The following ACTR2 variants were observed in gnomAD, a reference collection of about 807,000 sequenced individuals.
The protein encoded by ACTR2 is actin-related protein 2.
Under a neutral mutation model 50.2 loss-of-function variants are expected in ACTR2, and 5 were observed. The ratio of observed to expected loss-of-function variants is 0.10; its 90% CI spans 0.05 to 0.21. The LOEUF (loss-of-function observed/expected upper bound fraction) is 0.21. ACTR2 is among the 10% of genes least tolerant of loss of function. The probability of loss-of-function intolerance (pLI) is 1.00; values close to 1 mark genes in which losing one functional copy is unlikely to be tolerated. For synonymous variants in ACTR2, 140 were observed against 162.9 expected, an observed-to-expected ratio of 0.86 and a Z score of 1.07; for missense variants, 180 against 480.6, an observed-to-expected ratio of 0.37 and a Z score of 5.85.
intron 1 of ACTR2, among the ~76,000 whole-genome samples, chr2:65,239,183 G>A (rs1671795527): frequency 6.6e-6 from 1 of 152,216 alleles, no homozygotes; most frequent in Non-Finnish European, 1.5e-5. Flanking sequence ...TGCCGGGCAT[G>A]GTGGCTCACG....
intron 1 of ACTR2, among the ~76,000 whole-genome samples, chr2:65,238,831 GGT>G (rs1327929144): frequency 6.6e-6 from 1 of 151,986 alleles, no homozygotes; most frequent in Non-Finnish European, 1.5e-5. Flanking sequence ...AGCTGGGCAT[GGT>G]GGTGGGTGCC....
intron 7 of ACTR2, among the ~76,000 whole-genome samples, chr2:65,262,716 G>C (rs1672291696): frequency 6.6e-6 from 1 of 152,090 alleles, no homozygotes; most frequent in African/African-American, 2.4e-5. Flanking sequence ...GCAGCACTTT[G>C]GAGGCTGAGG....
intron 8 of ACTR2, 75 bp downstream of exon 8, chr2:65,265,250 A>C: frequency 6.5e-7 from 1 of 1,546,166 alleles, no homozygotes; most frequent in Non-Finnish European, 8.9e-7. Flanking sequence ...CTTGACAACC[A>C]CCAGAGGGAG....
intron 7 of ACTR2, among the ~76,000 whole-genome samples, chr2:65,262,159 T>C (rs560185487): frequency 6.6e-6 from 1 of 152,350 alleles, no homozygotes; most frequent in South Asian, 2.1e-4. Flanking sequence ...GATTTGCAAA[T>C]ATATTCTCAC....
intron 8 of ACTR2, 79 bp from the exon 9 acceptor site, chr2:65,268,485 T>G: frequency 7.7e-7 from 1 of 1,297,624 alleles, no homozygotes; most frequent in South Asian, 1.5e-5. Context: ...AGGGAGAGCA[T>G]ATATTTAAAA....
At chr2:65,265,197 A>G (rs1254724742) in intron 8 of ACTR2, 22 bp downstream of exon 8, 6 of 1,612,696 alleles carry the variant, frequency 3.7e-6, no homozygotes, top group African/African-American at 1.3e-5. Flanking sequence ...TAAATCAACT[A>G]TTACTAACAT....
rs1671943363 is a variant in ACTR2, at chr2:65,246,576, A to T, written c.212A>T (p.Asn71Ile). The change falls in exon 3 of 9, where the codon AAC (asparagine) becomes ATC (isoleucine). Residue 71 changes from asparagine (N) to isoleucine (I), a missense_variant. Transcript: ENST00000260641. ...ASELRSMLEV[N>I]YPMENGIVRN... ...GAATTACGATCAATGTTAGAAGTTA[A>T]CTACCCTATGGAAAATGGCATAGTA... 2 of 1,613,362 alleles carry T rather than the reference A, an allele frequency of 1.2e-6. No individual in the cohort carries two copies. The highest frequency in any genetic ancestry group is 1.7e-6 in the Non-Finnish European group (2 of 1,179,686).
At chr2:65,257,889 G>A (rs2104013021) in intron 6 of ACTR2, among the ~76,000 whole-genome samples, 1 of 152,292 alleles carries the variant, frequency 6.6e-6, no homozygotes, top group East Asian at 1.9e-4. Context: ...CCATTCTGTA[G>A]GTTGCCTGTT....
At chr2:65,255,798 G>T in intron 6 of ACTR2, 104 bp downstream of exon 6, 1 of 1,087,636 alleles carries the variant, frequency 9.2e-7, no homozygotes, top group Non-Finnish European at 1.3e-6. Flanking sequence ...TTTTGTCTTG[G>T]GTTGTTGTAA....
At chr2:65,236,048 ACT>A (rs1573148583) in intron 1 of ACTR2, among the ~76,000 whole-genome samples, 1 of 151,540 alleles carries the variant, frequency 6.6e-6, no homozygotes, top group South Asian at 2.1e-4. Flanking sequence ...ATTTGAAAAA[ACT>A]CTGTTTTTAA....
intron 3 of ACTR2, among the ~76,000 whole-genome samples, chr2:65,247,556 C>A (rs1002442997): frequency 3.9e-5 from 6 of 152,002 alleles, no homozygotes; most frequent in African/African-American, 1.5e-4. Flanking sequence ...CCACTGCACT[C>A]CAGCCTGGGC....
At chr2:65,229,783 C>T (rs879926760) in intron 1 of ACTR2, among the ~76,000 whole-genome samples, 1 of 140,796 alleles carries the variant, frequency 7.1e-6, no homozygotes, top group South Asian at 2.3e-4. Flanking sequence ...AAAAACAAAA[C>T]ATATTAATGT....
chr2:65,253,227 G>A (rs1672086188), intron 4 of ACTR2, among the ~76,000 whole-genome samples: 1 of 152,124 alleles, frequency 6.6e-6, no homozygotes, highest in South Asian at 2.1e-4. Flanking sequence ...ATCACTTGAG[G>A]CCAGGAGTTC....
intron 1 of ACTR2, among the ~76,000 whole-genome samples, chr2:65,233,671 A>G (rs897235924): frequency 7.3e-5 from 11 of 150,898 alleles, no homozygotes; most frequent in Non-Finnish European, 1.0e-4. Flanking sequence ...GAGTGTATTC[A>G]TGTTATCTCG....
chr2:65,245,893 C>A (rs12467321), intron 2 of ACTR2, among the ~76,000 whole-genome samples: 79,303 of 151,924 alleles, frequency 0.52, 21,209 homozygotes, highest in East Asian at 0.79. Flanking sequence ...TTGCCTATAT[C>A]TTAATTTTTT....
intron 8 of ACTR2, among the ~76,000 whole-genome samples, chr2:65,267,383 C>G (rs114975772): frequency 6.7e-4 from 102 of 152,282 alleles, no homozygotes; most frequent in Non-Finnish European, 1.3e-3. Flanking sequence ...ACAATTAAAA[C>G]AGTCTCAGAA....
intron 3 of ACTR2, among the ~76,000 whole-genome samples, chr2:65,249,443 T>C (rs1672004163): frequency 6.6e-6 from 1 of 152,234 alleles, no homozygotes; most frequent in African/African-American, 2.4e-5. Flanking sequence ...TTAATCTCAT[T>C]AACATGCTTT....
chr2:65,265,487 C>T (rs1263860568), intron 8 of ACTR2, among the ~76,000 whole-genome samples: 3 of 152,186 alleles, frequency 2.0e-5, no homozygotes, highest in Non-Finnish European at 4.4e-5. Flanking sequence ...AATAAATGCC[C>T]CACTTGAGTT....
chr2:65,261,604 GT>G (rs1186299440), intron 7 of ACTR2, among the ~76,000 whole-genome samples: 4 of 152,128 alleles, frequency 2.6e-5, no homozygotes, highest in Admixed American at 6.5e-5. Flanking sequence ...TAATTCTAAT[GT>G]TCTTCATGTT....
Sources: gnomAD v4.1 joint callset for allele counts (sites outside exome capture counted in the v4.1 genomes callset) on GRCh38, gnomAD v4.1.1 for gene constraint, MANE v1.5 for transcripts, NCBI Gene and HGNC (gene_info 2026-07-23, HGNC 2026-07-21) for gene names.